TP53BP1: variants seen among roughly 807,000 people sequenced by gnomAD.
TP53BP1 encodes TP53-binding protein 1.
TP53BP1 carries 61 observed loss-of-function variants against 200.8 expected under a neutral mutation model. The observed-to-expected ratio is 0.30, with a 90% CI of 0.25 to 0.38. The LOEUF (loss-of-function observed/expected upper bound fraction) is 0.38, where lower values mean the gene tolerates loss of function less well. Among genes scored for constraint, TP53BP1 ranks in the 10% least tolerant of loss-of-function variants. The pLI is 1.00. For synonymous variants in TP53BP1, 822 were observed against 844.3 expected (o/e 0.97, Z 0.46); for missense variants, 2,144 against 2,371.9 (o/e 0.90, Z 2.00).
intron 12 of TP53BP1, 23 bp from the exon 13 acceptor site, chr15:43,447,508 A>AAAAG: frequency 6.8e-7 from 1 of 1,473,412 alleles, no homozygotes; most frequent in Non-Finnish European, 9.1e-7. Flanking sequence ...AAAAAAAGAA[A>AAAAG]AAAGAAAGAA....
At position 43,438,333 on chromosome 15, in the gene TP53BP1, G is replaced by A; in HGVS notation, c.3182C>T (p.Thr1061Ile). 6.2e-7 allele frequency: 1 copy of A among 1,613,658 alleles called. No homozygotes were observed. Among genetic ancestry groups the A allele is most frequent in the Non-Finnish European group, 8.5e-7 (1 of 1,179,780 alleles). The change falls in exon 16 of 28, where the codon ACA becomes ATA. Residue 1061 changes from threonine to isoleucine, a missense_variant. Transcript: ENST00000382044. ...NEARSEDPPT[T>I]PIRGNLLHFP... Reference sequence around the variant, plus strand: ...TAAAAATAATGCTTACCTGATGGGTGTGGTGGGGGGATCCTCACTTCGAGC... The same window carrying A: ...TAAAAATAATGCTTACCTGATGGGTATGGTGGGGGGATCCTCACTTCGAGC...
At position 43,481,018 on chromosome 15, in the gene TP53BP1, G is replaced by A; in HGVS notation, c.376C>T (p.Leu126=). 6.2e-7 allele frequency: 1 copy of A among 1,613,964 alleles called. No homozygotes were observed. Among genetic ancestry groups the A allele is most frequent in the Non-Finnish European group, 8.5e-7 (1 of 1,179,986 alleles). ...GGAGCAGATTCCACTGACATTCCCAGAACACTACACAGCAGAAGGATATAA... is the reference window on the plus strand; with the variant it reads ...GGAGCAGATTCCACTGACATTCCCAAAACACTACACAGCAGAAGGATATAA... ...LPQPNRTSSV[L]GMSVESAPAV... is the part of the protein sequence containing the mutation. Residue 126 remains leucine (L), a synonymous_variant, in exon 5 of 28, where the codon CTG becomes TTG. Transcript: ENST00000382044.
rs770252049 is a variant in TP53BP1 at position 43,403,508 on chromosome 15, G to T, written c.*3875C>A. 2 of 566,464 alleles carry T rather than the reference G, an allele frequency of 3.5e-6. No homozygotes were observed. Among genetic ancestry groups the T allele is most frequent in the Non-Finnish European group, 3.2e-6 (1 of 315,190 alleles). 35.1% of individuals were successfully genotyped at this position (566,464 alleles called of 1,614,324 possible). A position where few individuals can be genotyped will look rare whatever the true frequency, so the allele number is the denominator to read the frequency against. On this transcript the variant is annotated 3_prime_UTR_variant, in exon 28 of 28. Coordinates refer to ENST00000382044, the MANE Select transcript of TP53BP1 (RefSeq NM_001141980.3). ...CCAGGAAAGGATGCATTTGTTTTAC[G>T]CATTTTGTGCGTCTGAGGGGCTGGC...
chr15:43,453,550 A>C (rs2143008617), intron 12 of TP53BP1, among the ~76,000 whole-genome samples: 1 of 151,892 alleles, frequency 6.6e-6, no homozygotes, highest in Admixed American at 6.6e-5. Flanking sequence ...GATAAAAAAA[A>C]AGTGCTAAAT....
At chr15:43,499,042 C>T (rs917821190) in intron 1 of TP53BP1, among the ~76,000 whole-genome samples, 1 of 151,294 alleles carries the variant, frequency 6.6e-6, no homozygotes, top group African/African-American at 2.4e-5. Context: ...ACAAAACAAA[C>T]CAGTTACTCC....
intron 16 of TP53BP1, 113 bp downstream of exon 16, chr15:43,438,211 A>T: frequency 1.2e-6 from 1 of 841,382 alleles, no homozygotes; most frequent in Non-Finnish European, 1.9e-6. Flanking sequence ...ACTGGGGGTT[A>T]AGTTTCCAAC....
At chr15:43,421,570 G>T in intron 19 of TP53BP1, 1 of 535,364 alleles carries the variant, frequency 1.9e-6, no homozygotes, top group Non-Finnish European at 3.3e-6. Context: ...TAAAGGCTGT[G>T]GTAGAAGCAG....
At chr15:43,480,072 C>A (rs2078941201) in intron 5 of TP53BP1, 55 bp from the exon 6 acceptor site, 1 of 1,535,532 alleles carries the variant, frequency 6.5e-7, no homozygotes. Flanking sequence ...ATGCAATGTA[C>A]AAGCTGCTGT....
intron 16 of TP53BP1, among the ~76,000 whole-genome samples, chr15:43,433,724 T>A (rs576667026): frequency 6.6e-6 from 1 of 152,308 alleles, no homozygotes; most frequent in East Asian, 1.9e-4. Context: ...ATCTGGAATA[T>A]CTGTTTCAGT....
chr15:43,459,749 C>T (rs925684763), intron 11 of TP53BP1, among the ~76,000 whole-genome samples: 1 of 151,876 alleles, frequency 6.6e-6, no homozygotes, highest in Non-Finnish European at 1.5e-5. Context: ...TCACTGCAGC[C>T]TCAATTTCCT....
At chr15:43,501,541 A>G (rs2079209432) in intron 1 of TP53BP1, among the ~76,000 whole-genome samples, 1 of 152,156 alleles carries the variant, frequency 6.6e-6, no homozygotes, top group African/African-American at 2.4e-5. Flanking sequence ...TGACAAACAT[A>G]TACAGCCATG....
At chr15:43,414,881 T>G (rs756044603) in intron 23 of TP53BP1, among the ~76,000 whole-genome samples, 1 of 151,964 alleles carries the variant, frequency 6.6e-6, no homozygotes, top group Non-Finnish European at 1.5e-5. Flanking sequence ...ACTTTTTTTG[T>G]ATTTTTAGTA....
intron 5 of TP53BP1, 115 bp from the exon 6 acceptor site, chr15:43,480,132 ACCC>A (rs533708652): frequency 1.1e-5 from 10 of 911,488 alleles, no homozygotes; most frequent in Non-Finnish European, 1.6e-5. Flanking sequence ...AGCCCTGTGC[ACCC>A]CCCAAATTTT....
intron 1 of TP53BP1, among the ~76,000 whole-genome samples, chr15:43,508,445 G>C (rs1439340957): frequency 6.6e-6 from 1 of 152,162 alleles, no homozygotes; most frequent in Non-Finnish European, 1.5e-5. Flanking sequence ...ACTGCTTGAG[G>C]CCAGGAGTTT....
chr15:43,508,001 C>T (rs144221170), intron 1 of TP53BP1, among the ~76,000 whole-genome samples: 2 of 152,326 alleles, frequency 1.3e-5, no homozygotes, highest in African/African-American at 4.8e-5. Context: ...AGATGTGAGC[C>T]ACCACTCCTG....
At chr15:43,421,436 A>C (rs2242069) in intron 19 of TP53BP1, among the ~76,000 whole-genome samples, 48,661 of 152,036 alleles carry the variant, frequency 0.32, 11,489 homozygotes, top group African/African-American at 0.67. Flanking sequence ...CAGCACACCC[A>C]ATTTCTGCTA....
intron 4 of TP53BP1, among the ~76,000 whole-genome samples, chr15:43,482,386 A>G (rs1435025571): frequency 6.6e-6 from 1 of 152,236 alleles, no homozygotes; most frequent in Non-Finnish European, 1.5e-5. Context: ...CTGTAATCCC[A>G]GCACTTCGGG....
intron 16 of TP53BP1, among the ~76,000 whole-genome samples, chr15:43,436,591 CAG>C (rs985514494): frequency 8.5e-5 from 13 of 152,050 alleles, no homozygotes; most frequent in African/African-American, 2.9e-4. Flanking sequence ...CATCCCACTT[CAG>C]TCTTCCAAGT....
chr15:43,461,438 G>A (rs1017669787), intron 11 of TP53BP1, among the ~76,000 whole-genome samples: 2 of 151,930 alleles, frequency 1.3e-5, no homozygotes, highest in Admixed American at 1.3e-4. Flanking sequence ...GGCTGATCCT[G>A]AACTCCTAGG....
Sources: gnomAD v4.1 joint callset for allele counts (sites outside exome capture counted in the v4.1 genomes callset) on GRCh38, gnomAD v4.1.1 for gene constraint, MANE v1.5 for transcripts, NCBI Gene and HGNC (gene_info 2026-07-23, HGNC 2026-07-21) for gene names.